CAB39L: variants seen among roughly 807,000 people sequenced by gnomAD.
The protein encoded by CAB39L is calcium binding protein 39 like, also known as calcium-binding protein 39-like.
In CAB39L, 23 loss-of-function variants were observed where a neutral mutation model predicts 39.1. The ratio of observed to expected loss-of-function variants is 0.59; its 90% CI spans 0.42 to 0.83. CAB39L has a LOEUF of 0.83. Ranked by LOEUF, CAB39L falls within the 40% of genes least tolerant of loss-of-function variation. The pLI is 0.00. For synonymous variants in CAB39L, 126 were observed against 137.2 expected, an observed-to-expected ratio of 0.92 and a Z score of 0.57; for missense variants, 366 against 391.9, an observed-to-expected ratio of 0.93 and a Z score of 0.56.
chr13:49,441,491 T>TG (rs1422430113), intron 1 of CAB39L, among the ~76,000 whole-genome samples: 12 of 151,674 alleles, frequency 7.9e-5, no homozygotes, highest in African/African-American at 2.4e-4. Flanking sequence ...CACTTGAGCC[T>TG]GGGGGGTCAA....
At position 49,377,054 on chromosome 13, in the gene CAB39L, T is replaced by C. The variant is rs747735683; in HGVS notation, c.189A>G (p.Thr63=). Residue 63 remains threonine (T), a synonymous_variant, in exon 5 of 11, where the codon ACA becomes ACG. Coordinates refer to ENST00000409308, the MANE Select transcript of CAB39L (RefSeq NM_001079670.3). ...CTTGTGCTAGCTGAGCCACTGCTTC[T>C]GTTGGGGGTTCTTTCTCGTTTGTAC... ...LCGTNEKEPP[T]EAVAQLAQEL... 13 of 1,613,768 alleles carry C rather than the reference T, an allele frequency of 8.1e-6. No individual in the cohort carries two copies. The highest frequency in any genetic ancestry group is 1.3e-5 in the African/African-American group (1 of 74,926).
intron 6 of CAB39L, among the ~76,000 whole-genome samples, chr13:49,355,247 T>C (rs913010687): frequency 1.3e-5 from 2 of 150,686 alleles, no homozygotes; most frequent in African/African-American, 4.9e-5. Flanking sequence ...CTAAGTGTGG[T>C]GGCATGCACT....
At chr13:49,432,416 G>A (rs1467990061) in intron 3 of CAB39L, among the ~76,000 whole-genome samples, 1 of 152,170 alleles carries the variant, frequency 6.6e-6, no homozygotes, top group African/African-American at 2.4e-5. Flanking sequence ...GATTATAAGT[G>A]TGAGCTACTG....
intron 8 of CAB39L, among the ~76,000 whole-genome samples, chr13:49,340,938 T>C (rs2138427315): frequency 6.6e-6 from 1 of 152,284 alleles, no homozygotes; most frequent in Admixed American, 6.5e-5. Context: ...TATATGGATG[T>C]AAAAACAAAA....
At chr13:49,395,507 C>G (rs1266376035) in intron 3 of CAB39L, among the ~76,000 whole-genome samples, 1 of 152,126 alleles carries the variant, frequency 6.6e-6, no homozygotes, top group Non-Finnish European at 1.5e-5. Context: ...GCTGGGATTA[C>G]AGGCATGAGC....
intron 10 of CAB39L, among the ~76,000 whole-genome samples, chr13:49,316,783 C>T (rs1954170578): frequency 6.6e-6 from 1 of 152,184 alleles, no homozygotes; most frequent in South Asian, 2.1e-4. Context: ...TATTTGGAAA[C>T]ACAGACTTTC....
chr13:49,412,815 C>G (rs1054438237), intron 3 of CAB39L: 1 of 152,160 alleles, frequency 6.6e-6, no homozygotes, highest in Admixed American at 6.6e-5. Context: ...ATGCACAGTT[C>G]ACAGAAGGGT....
intron 5 of CAB39L, among the ~76,000 whole-genome samples, chr13:49,360,626 T>G (rs1028933642): frequency 2.6e-5 from 4 of 152,216 alleles, no homozygotes. Flanking sequence ...GGTTTGGCTC[T>G]GTGTCCTCAC....
Position 49,350,761 on chromosome 13 carries a change from C to A in CAB39L, c.547G>T (p.Ala183Ser). Residue 183 changes from alanine to serine, a missense_variant, in exon 7 of 11, where the codon GCC becomes TCC. By Grantham distance (99) the Ala-to-Ser change is moderately conservative. Transcript: ENST00000409308. ...AAAATTACCTTGAAAGTAGCAAAGG[C>A]ATCTGAAGCAATATCAAATGTTGAC... is the stretch of plus-strand genomic sequence containing the variant. ...ELSTFDIASDAFATFKDLLTR... is the reference protein window; with the variant it reads ...ELSTFDIASDSFATFKDLLTR... The A allele has an allele frequency of 6.4e-7, 1 of 1,570,278 alleles. No individual in the cohort carries two copies. The highest frequency in any genetic ancestry group is 1.4e-5 in the African/African-American group (1 of 73,086).
intron 7 of CAB39L, among the ~76,000 whole-genome samples, chr13:49,345,028 C>A (rs1955107498): frequency 6.6e-6 from 1 of 152,104 alleles, no homozygotes. Flanking sequence ...TCAACTCATA[C>A]CTAAATTATA....
At chr13:49,394,791 T>C (rs973119536) in intron 3 of CAB39L, among the ~76,000 whole-genome samples, 1 of 152,156 alleles carries the variant, frequency 6.6e-6, no homozygotes, top group Admixed American at 6.5e-5. Flanking sequence ...AACAGGCAGA[T>C]TCTTTTCTTT....
intron 9 of CAB39L, among the ~76,000 whole-genome samples, chr13:49,332,366 G>A (rs1281085490): frequency 6.6e-6 from 1 of 152,082 alleles, no homozygotes; most frequent in Non-Finnish European, 1.5e-5. Context: ...TAAATTTATG[G>A]TTTTCAATAC....
chr13:49,404,444 GAAA>G (rs76373709), intron 3 of CAB39L, among the ~76,000 whole-genome samples: 1 of 136,284 alleles, frequency 7.3e-6, no homozygotes. Context: ...GAGAGGTCTG[GAAA>G]AAAAAAAAAA....
At chr13:49,368,888 G>A (rs889154011) in intron 5 of CAB39L, among the ~76,000 whole-genome samples, 1 of 152,046 alleles carries the variant, frequency 6.6e-6, no homozygotes, top group African/African-American at 2.4e-5. Flanking sequence ...TAGCATAGAT[G>A]AGAAAAGGGA....
chr13:49,435,252 A>T (rs1217132277), intron 1 of CAB39L, among the ~76,000 whole-genome samples: 1 of 152,186 alleles, frequency 6.6e-6, no homozygotes, highest in Non-Finnish European at 1.5e-5. Context: ...TAGTTTATGC[A>T]ATCAGTTCTC....
chr13:49,310,508 T>C lies in CAB39L; in HGVS notation c.*306A>G. On this transcript the variant is annotated 3_prime_UTR_variant, in exon 11 of 11. Transcript: ENST00000409308. ...TTGAAGACTTGGTGATGCCTGTCAATTGAGCTCCCATTTAGCGGCTCATTG... is the reference window on the plus strand; with the variant it reads ...TTGAAGACTTGGTGATGCCTGTCAACTGAGCTCCCATTTAGCGGCTCATTG... 4.3e-6 allele frequency: 1 copy of C among 233,854 alleles called. No individual in the cohort carries two copies. Among genetic ancestry groups the C allele is most frequent in the Non-Finnish European group, 8.4e-6 (1 of 118,960 alleles). 14.5% of individuals were successfully genotyped at this position (233,854 alleles called of 1,614,324 possible).
intron 3 of CAB39L, among the ~76,000 whole-genome samples, chr13:49,407,580 C>A (rs1438832554): frequency 6.6e-6 from 1 of 152,098 alleles, no homozygotes; most frequent in Non-Finnish European, 1.5e-5. Context: ...ATACTCAATA[C>A]ACAAATACAT....
rs199498743 is a variant in CAB39L, at chr13:49,332,066, G to T, written c.715C>A (p.Arg239Ser). Residue 239 changes from arginine (R) to serine (S), a missense_variant, in exon 10 of 11, where the codon CGT (arginine) becomes AGT (serine). Arg to Ser is a moderately radical substitution (Grantham distance 110). Transcript: ENST00000409308. ...TTTGTCATGATGGCAAAGTTGTGAC[G>T]GTCCAGGATCAGCTCCCCTAGCAGC... ...LKLLGELILD[R>S]HNFAIMTKYI... 6.2e-7 allele frequency: 1 copy of T among 1,613,828 alleles called. No individual in the cohort carries two copies. The highest frequency in any genetic ancestry group is 8.5e-7 in the Non-Finnish European group (1 of 1,179,836).
At chr13:49,404,822 T>C (rs1431185765) in intron 3 of CAB39L, among the ~76,000 whole-genome samples, 1 of 152,048 alleles carries the variant, frequency 6.6e-6, no homozygotes, top group Non-Finnish European at 1.5e-5. Context: ...AAAAGCAGAA[T>C]TGATCAAGCA....
Sources: allele counts gnomAD v4.1 joint callset (sites outside exome capture counted in the v4.1 genomes callset), GRCh38; gene constraint gnomAD v4.1.1; transcripts MANE v1.5; gene names NCBI Gene and HGNC (gene_info 2026-07-23, HGNC 2026-07-21).